CAMK4: variants seen among roughly 807,000 people sequenced by gnomAD.
The protein encoded by CAMK4 is calcium/calmodulin-dependent protein kinase type IV.
A neutral mutation model predicts 44.9 loss-of-function variants in CAMK4; 22 were observed. The ratio of observed to expected loss-of-function variants is 0.49; its 90% CI spans 0.35 to 0.70. CAMK4 has a LOEUF of 0.70. Among genes scored for constraint, CAMK4 ranks in the 30% least tolerant of loss-of-function variants. CAMK4 has a pLI of 0.01. For missense variants in CAMK4, 498 were observed against 586.8 expected, an observed-to-expected ratio of 0.85 and a Z score of 1.56; for synonymous variants, 218 against 215.4, an observed-to-expected ratio of 1.01 and a Z score of -0.11.
At chr5:111,366,904 G>T (rs1750813706) in intron 2 of CAMK4, among the ~76,000 whole-genome samples, 1 of 151,616 alleles carries the variant, frequency 6.6e-6, no homozygotes, top group African/African-American at 2.4e-5. Flanking sequence ...AAGACCATTA[G>T]AATATTTAGG....
intron 5 of CAMK4, among the ~76,000 whole-genome samples, chr5:111,410,475 GC>G (rs1752593900): frequency 6.6e-6 from 1 of 152,140 alleles, no homozygotes; most frequent in Non-Finnish European, 1.5e-5. Flanking sequence ...ACACAGCCAA[GC>G]CATATCAGAT....
chr5:111,477,625 G>A (rs1476856533), intron 8 of CAMK4, among the ~76,000 whole-genome samples: 6 of 152,192 alleles, frequency 3.9e-5, no homozygotes, highest in East Asian at 1.9e-4. Flanking sequence ...ATAGTTCTCC[G>A]TCCCTTTTAT....
intron 1 of CAMK4, among the ~76,000 whole-genome samples, chr5:111,260,854 C>A (rs1278955438): frequency 6.6e-6 from 1 of 152,166 alleles, no homozygotes; most frequent in Non-Finnish European, 1.5e-5. Context: ...TAATATGTGT[C>A]CTGGTCCCTA....
rs535608144 is a variant in CAMK4 at position 111,461,340 on chromosome 5, C to T, written c.626-11971C>T. On this transcript the variant is annotated intron_variant, in intron 7 of 10. Transcript: ENST00000282356. The stretch of plus-strand genomic sequence containing the variant: ...CAGAGGCAACCCCCTCTGGAAGTCT[C>T]AGGTGTGATTCAGTCTCATCTGCAC... Among the ~76,000 whole-genome samples the T allele has an allele frequency of 1.8e-3, 281 of 152,308 alleles. 1 individual carries two copies. Among genetic ancestry groups the T allele is most frequent in the Middle Eastern group, 0.014 (4 of 294 alleles).
chr5:111,367,149 T>G (rs1308690667), intron 2 of CAMK4, among the ~76,000 whole-genome samples: 1 of 149,380 alleles, frequency 6.7e-6, no homozygotes, highest in Non-Finnish European at 1.5e-5. Flanking sequence ...ATAAACAGAA[T>G]ACCGCATTCT....
rs1326385946 is a variant in CAMK4 at position 111,443,269 on chromosome 5, TATATATATATACACACACACACAC to T, written c.460-3415_460-3392del. 3.9e-4 allele frequency among the ~76,000 whole-genome samples: 20 copies of T among 51,204 alleles called. No homozygotes were observed. The East Asian group carries it at 0.012, about 29-fold the overall frequency. 33.6% of individuals were successfully genotyped at this position (51,204 alleles called of 152,430 possible). On this transcript the variant is annotated intron_variant, in intron 5 of 10. Coordinates refer to ENST00000282356, the MANE Select transcript of CAMK4 (RefSeq NM_001744.6). ...ATATATATATATATATATATATATA[TATATATATATACACACACACACAC>T]ACACACACACACACACACACACTAT...
intron 1 of CAMK4, among the ~76,000 whole-genome samples, chr5:111,244,718 G>T (rs4957604): frequency 6.6e-6 from 1 of 151,784 alleles, no homozygotes; most frequent in Non-Finnish European, 1.5e-5. Flanking sequence ...AAAATTAGCC[G>T]GGCATGGTGG....
chr5:111,310,082 G>A (rs1460062146), intron 1 of CAMK4, among the ~76,000 whole-genome samples: 1 of 152,254 alleles, frequency 6.6e-6, no homozygotes, highest in East Asian at 1.9e-4. Context: ...TTTACCTGGT[G>A]CATATATTTA....
intron 7 of CAMK4, among the ~76,000 whole-genome samples, chr5:111,459,686 C>CTTTTTTTTTTTTTT (rs56176713): frequency 1.2e-4 from 10 of 86,690 alleles, no homozygotes; most frequent in African/African-American, 5.0e-4. Context: ...TAGAGACAGT[C>CTTTTTTTTTTTTTT]TTTTTTTTTT....
chr5:111,354,482 A>C (rs986919084), intron 2 of CAMK4, among the ~76,000 whole-genome samples: 1 of 151,186 alleles, frequency 6.6e-6, no homozygotes, highest in Non-Finnish European at 1.5e-5. Flanking sequence ...TGGATTTGTT[A>C]ATTAGCTTGA....
chr5:111,285,103 C>T (rs1484314465), intron 1 of CAMK4, among the ~76,000 whole-genome samples: 1 of 152,070 alleles, frequency 6.6e-6, no homozygotes, highest in Non-Finnish European at 1.5e-5. Flanking sequence ...TTGGCTGGAG[C>T]ATAAAAATAA....
chr5:111,224,273 T>G, upstream of CAMK4: 1 of 555,056 alleles, frequency 1.8e-6, no homozygotes, highest in Non-Finnish European at 2.7e-6. This position sits in a 1 kb window ranked among gnomAD's most constrained non-coding sequence, Gnocchi z 5.7. Flanking sequence ...GGGCGGCGAC[T>G]CCGGGTTCCC....
intron 5 of CAMK4, among the ~76,000 whole-genome samples, chr5:111,406,119 T>C (rs953058930): frequency 6.6e-6 from 1 of 151,944 alleles, no homozygotes; most frequent in Non-Finnish European, 1.5e-5. Context: ...TTTATCTCAT[T>C]CTCTTCTATC....
intron 2 of CAMK4, among the ~76,000 whole-genome samples, chr5:111,344,417 T>TACAC (rs1561427067): frequency 6.2e-5 from 9 of 145,654 alleles, no homozygotes; most frequent in East Asian, 4.0e-4. Flanking sequence ...TATATGTATA[T>TACAC]ACACACACAC....
chr5:111,258,738 AGCGTGTGTGT>A (rs1749848904), intron 1 of CAMK4, among the ~76,000 whole-genome samples: 1 of 104,930 alleles, frequency 9.5e-6, no homozygotes, highest in African/African-American at 4.2e-5. Context: ...CAGAGTTATC[AGCGTGTGTGT>A]GTGTGTGTGT....
At chr5:111,227,149 A>G (rs1278006496) in intron 1 of CAMK4, among the ~76,000 whole-genome samples, 1 of 152,218 alleles carries the variant, frequency 6.6e-6, no homozygotes, top group African/African-American at 2.4e-5. Flanking sequence ...ATTATCAGAA[A>G]TTTTTAAGTA....
intron 1 of CAMK4, among the ~76,000 whole-genome samples, chr5:111,279,991 C>G (rs887633446): frequency 6.6e-6 from 1 of 152,108 alleles, no homozygotes; most frequent in East Asian, 1.9e-4. Context: ...ATTATACAGC[C>G]GGTATTCACA....
intron 1 of CAMK4, among the ~76,000 whole-genome samples, chr5:111,244,320 A>G (rs1749137835): frequency 1.3e-5 from 2 of 152,328 alleles, no homozygotes; most frequent in South Asian, 2.1e-4. Flanking sequence ...ATCAAAAATT[A>G]TTAAACATTG....
At chr5:111,475,869 C>T (rs936514443) in intron 8 of CAMK4, among the ~76,000 whole-genome samples, 1 of 152,136 alleles carries the variant, frequency 6.6e-6, no homozygotes, top group Non-Finnish European at 1.5e-5. Context: ...CTGCTGGGCA[C>T]CTGAGACTAT....
Sources: allele counts gnomAD v4.1 joint callset (sites outside exome capture counted in the v4.1 genomes callset), GRCh38; gene constraint gnomAD v4.1.1; non-coding constraint Gnocchi (gnomAD v3.1); transcripts MANE v1.5; gene names NCBI Gene and HGNC (gene_info 2026-07-23, HGNC 2026-07-21).